Variants in GSE1 observed in about 807,000 individuals in gnomAD.
The protein encoded by GSE1 is Gse1 coiled-coil protein.
In GSE1, 32 loss-of-function variants were observed where a neutral mutation model predicts 112.6. The ratio of observed to expected loss-of-function variants is 0.28; its 90% CI spans 0.21 to 0.38. GSE1 has a LOEUF of 0.38. Among genes scored for constraint, GSE1 ranks in the 10% least tolerant of loss-of-function variants. The pLI is 1.00. For missense variants in GSE1, 2,348 were observed against 1,699.2 expected, an observed-to-expected ratio of 1.38 and a Z score of -6.71; for synonymous variants, 1,115 against 735.6, an observed-to-expected ratio of 1.52 and a Z score of -8.35.
chr16:85,666,406 G>GC, intron 13 of GSE1, 59 bp downstream of exon 13: 1 of 1,581,082 alleles, frequency 6.3e-7, no homozygotes, highest in East Asian at 2.2e-5. Flanking sequence ...GACCAAAGTT[G>GC]CTGAGCGCCA....
intron 1 of GSE1, among the ~76,000 whole-genome samples, chr16:85,270,700 T>C (rs1423169223): frequency 7.8e-6 from 1 of 127,900 alleles, no homozygotes; most frequent in Non-Finnish European, 1.9e-5. Flanking sequence ...GAAAAATCCA[T>C]TTAATAATCC....
chr16:85,432,777 G>C (rs72798939), intron 2 of GSE1, among the ~76,000 whole-genome samples: 3,472 of 152,288 alleles, frequency 0.023, 65 homozygotes, highest in Non-Finnish European at 0.037. Flanking sequence ...GGAAAAGCAA[G>C]GCTGGGATGC....
chr16:85,435,878 G>A (rs1005004791), intron 2 of GSE1, among the ~76,000 whole-genome samples: 4 of 152,118 alleles, frequency 2.6e-5, no homozygotes, highest in African/African-American at 7.2e-5. Flanking sequence ...ATGTTCCCCA[G>A]GCAGGAAGCT....
intron 1 of GSE1, among the ~76,000 whole-genome samples, chr16:85,197,841 T>G (rs566402021): frequency 6.6e-6 from 1 of 152,236 alleles, no homozygotes; most frequent in South Asian, 2.1e-4. Context: ...AGAGGGTTTG[T>G]CCGGGTAGCA....
At chr16:85,401,121 A>T (rs2048105181) in intron 2 of GSE1, among the ~76,000 whole-genome samples, 1 of 152,118 alleles carries the variant, frequency 6.6e-6, no homozygotes, top group African/African-American at 2.4e-5. Flanking sequence ...GGGCTTTCTG[A>T]GGCCCAGCTG....
chr16:85,368,065 GC>G (rs1179023812), intron 2 of GSE1, among the ~76,000 whole-genome samples: 46 of 152,178 alleles, frequency 3.0e-4, no homozygotes, highest in African/African-American at 1.1e-3. Flanking sequence ...TGTTGGTCGG[GC>G]TGGTCTCGAA....
intron 2 of GSE1, among the ~76,000 whole-genome samples, chr16:85,512,314 C>G (rs960099609): frequency 6.6e-6 from 1 of 152,148 alleles, no homozygotes; most frequent in African/African-American, 2.4e-5. Flanking sequence ...GAGTAGGTAG[C>G]AGGACCAGCC....
chr16:85,245,904 G>C (rs1905604862), intron 1 of GSE1, among the ~76,000 whole-genome samples: 1 of 151,030 alleles, frequency 6.6e-6, no homozygotes, highest in Non-Finnish European at 1.5e-5. Flanking sequence ...TGTGTGTCGA[G>C]GTGTCTACGT....
chr16:85,361,383 C>G (rs560420293), intron 2 of GSE1, among the ~76,000 whole-genome samples: 1 of 150,948 alleles, frequency 6.6e-6, no homozygotes, highest in South Asian at 2.1e-4. Context: ...ACAGACCCCC[C>G]CACACACAAA....
At chr16:85,249,924 C>T (rs1037484818) in intron 1 of GSE1, among the ~76,000 whole-genome samples, 13 of 152,242 alleles carry the variant, frequency 8.5e-5, no homozygotes, top group African/African-American at 3.1e-4. Context: ...GGGCCGAGAG[C>T]GATGCCAGCT....
intron 2 of GSE1, among the ~76,000 whole-genome samples, chr16:85,494,750 G>A (rs967721907): frequency 5.9e-5 from 9 of 152,194 alleles, no homozygotes; most frequent in Non-Finnish European, 1.2e-4. Flanking sequence ...TAAATTTGGG[G>A]GGAACTCTAT....
chr16:85,197,133 A>G (rs976287437), intron 1 of GSE1, among the ~76,000 whole-genome samples: 4 of 152,206 alleles, frequency 2.6e-5, no homozygotes, highest in Non-Finnish European at 5.9e-5. Context: ...AGAGACAACA[A>G]GACCTGGCCC....
chr16:85,308,053 G>A (rs1045211932), intron 1 of GSE1, among the ~76,000 whole-genome samples: 2 of 152,316 alleles, frequency 1.3e-5, no homozygotes, highest in Middle Eastern at 3.4e-3. Flanking sequence ...CTTCCACCAG[G>A]CAGGAGGGAG....
In GSE1 at chr16:85,663,702, C is replaced by G. The variant is rs538706113; in HGVS notation, c.2644+88C>G. On this transcript the variant is annotated intron_variant, in intron 11 of 15. Coordinates refer to ENST00000253458, the MANE Select transcript of GSE1 (RefSeq NM_014615.5). ...GCAGGTGGGGCCGGTGGACTCCAGG[C>G]AGGATCTGCGATCACTGAGCCTGAG... The G allele has an allele frequency of 3.8e-3, 5,139 of 1,337,596 alleles. 15 individuals are homozygous for G. Among genetic ancestry groups the G allele is most frequent in the Non-Finnish European group, 4.3e-3 (4,106 of 964,040 alleles). 82.9% of individuals were successfully genotyped at this position (1,337,596 alleles called of 1,614,324 possible). A position where few individuals can be genotyped will look rare whatever the true frequency, so the allele number is the denominator to read the frequency against.
At chr16:85,528,638 T>TTTTGTTTTG (rs2052441703) in intron 2 of GSE1, among the ~76,000 whole-genome samples, 8 of 145,082 alleles carry the variant, frequency 5.5e-5, no homozygotes, top group South Asian at 2.3e-4. Context: ...GGATTGCTGT[T>TTTTGTTTTG]TTTTGTTTTG....
At chr16:85,364,753 A>G (rs2047152817) in intron 2 of GSE1, among the ~76,000 whole-genome samples, 1 of 152,122 alleles carries the variant, frequency 6.6e-6, no homozygotes. Context: ...GGCCTGGACC[A>G]GCTCACACCC....
Position 85,478,964 on chromosome 16 carries a change from T to TTTCC in GSE1, c.2464+121349_2464+121352dup, listed in dbSNP as rs59055887. Among the ~76,000 whole-genome samples the TTTCC allele has an allele frequency of 1.5e-3, 92 of 62,134 alleles. 9 individuals are homozygous for TTTCC. The highest frequency in any genetic ancestry group is 2.2e-3 in the East Asian group (5 of 2,316). The allele number at this position is 62,134 out of a possible 152,430, so 40.8% of individuals were successfully genotyped here. ...TTCTTTCTTTTTTTTTCTTTCTTTC[T>TTTCC]TTCCTTCCTTCCTTCCTTCCTTCCT... On this transcript the variant is annotated intron_variant, in intron 2 of 2. Transcript: ENST00000637419.
At chr16:85,214,975 G>T (rs1428429201) in intron 1 of GSE1, among the ~76,000 whole-genome samples, 1 of 152,198 alleles carries the variant, frequency 6.6e-6, no homozygotes, top group African/African-American at 2.4e-5. Context: ...TGCGGGTGGC[G>T]GGTGGGTGGA....
intron 1 of GSE1, among the ~76,000 whole-genome samples, chr16:85,614,407 C>T (rs903693514): frequency 1.3e-5 from 2 of 152,152 alleles, no homozygotes; most frequent in African/African-American, 4.8e-5. Context: ...TGCGCCCGCC[C>T]ACCCCCAGCT....
Sources: allele counts gnomAD v4.1 joint callset (sites outside exome capture counted in the v4.1 genomes callset), GRCh38; gene constraint gnomAD v4.1.1; transcripts MANE v1.5; gene names NCBI Gene and HGNC (gene_info 2026-07-23, HGNC 2026-07-21).